The following LYN variants were observed in gnomAD, a reference collection of about 807,000 sequenced individuals.
The protein encoded by LYN is LYN proto-oncogene, Src family tyrosine kinase.
LYN carries 12 observed loss-of-function variants against 65.0 expected under a neutral mutation model. That is an observed-to-expected ratio of 0.18 (90% confidence interval 0.12 to 0.30). The LOEUF (loss-of-function observed/expected upper bound fraction) is 0.30. Among genes scored for constraint, LYN ranks in the 10% least tolerant of loss-of-function variants. The pLI is 1.00. For synonymous variants in LYN, 222 were observed against 221.2 expected, an observed-to-expected ratio of 1.00 and a Z score of -0.03; for missense variants, 380 against 623.2, an observed-to-expected ratio of 0.61 and a Z score of 4.16.
intron 1 of LYN, among the ~76,000 whole-genome samples, chr8:55,931,711 A>G (rs934295041): frequency 6.6e-6 from 1 of 152,098 alleles, no homozygotes; most frequent in African/African-American, 2.4e-5. Flanking sequence ...TTAAAATTTA[A>G]TAGTCACTTA....
In LYN at chr8:56,011,585, C is replaced by G; in HGVS notation, c.*1475C>G. The G allele has an allele frequency of 5.3e-6, 1 of 189,820 alleles. No homozygotes were observed. The highest frequency in any genetic ancestry group is 1.1e-5 in the Non-Finnish European group (1 of 90,448). The allele number at this position is 189,820 out of a possible 1,614,324, so 11.8% of individuals were successfully genotyped here. On this transcript the variant is annotated 3_prime_UTR_variant, in exon 13 of 13. Transcript: ENST00000519728. Reference sequence around the variant, plus strand: ...ACACCTGAACATCCGTTTATGGGGGCCAGATAGAATTTGTTTTCAAATAGG... The same window carrying G: ...ACACCTGAACATCCGTTTATGGGGGGCAGATAGAATTTGTTTTCAAATAGG...
At chr8:55,989,513 G>A (rs1221163149) in intron 10 of LYN, among the ~76,000 whole-genome samples, 1 of 152,172 alleles carries the variant, frequency 6.6e-6, no homozygotes, top group Non-Finnish European at 1.5e-5. Flanking sequence ...AGAAGGTCCA[G>A]GCAGGTGCAT....
chr8:55,950,463 G>A lies in LYN; in HGVS notation c.289G>A (p.Gly97Arg). 6.2e-7 allele frequency: 1 copy of A among 1,608,936 alleles called. No individual in the cohort carries two copies. The highest frequency in any genetic ancestry group is 8.5e-7 in the Non-Finnish European group (1 of 1,177,842). Residue 97 changes from glycine (G) to arginine (R), a missense_variant, in exon 5 of 13, where the codon GGA (glycine) becomes AGA (arginine). Physicochemically the swap from Gly to Arg is moderately radical, Grantham distance 125 (BLOSUM62 -2). Transcript: ENST00000519728. The part of the protein sequence containing the change: ...GEKMKVLEEH[G>R]EWWKAKSLLT... Reference sequence around the variant, plus strand: ...TGATGTGTATTTCTATTCTAGGCATGGAGAATGGTGGAAAGCAAAGTCCCT... The same window carrying A: ...TGATGTGTATTTCTATTCTAGGCATAGAGAATGGTGGAAAGCAAAGTCCCT...
chr8:55,974,463 G>T (rs888316146), intron 10 of LYN, among the ~76,000 whole-genome samples: 6 of 152,140 alleles, frequency 3.9e-5, no homozygotes, highest in Admixed American at 2.6e-4. Context: ...GGAAGTTCTC[G>T]ACCTTTTTGA....
intron 1 of LYN, among the ~76,000 whole-genome samples, chr8:55,922,377 A>G (rs554235313): frequency 6.6e-6 from 1 of 151,442 alleles, no homozygotes; most frequent in South Asian, 2.2e-4. Context: ...GGCATGAGCC[A>G]CCACACCTGG....
chr8:55,956,927 C>G (rs1007256804), intron 8 of LYN, among the ~76,000 whole-genome samples: 3 of 152,212 alleles, frequency 2.0e-5, no homozygotes, highest in African/African-American at 4.8e-5. Flanking sequence ...TCTACGGGCC[C>G]TGCTCTAAGT....
rs117026752 is a variant in LYN at position 55,882,523 on chromosome 8, A to G, written c.-6+2420A>G. On this transcript the variant is annotated intron_variant, in intron 1 of 12. Transcript: ENST00000519728. ...CATGTATACATGCCCACAGCAGGGA[A>G]CATTGTTATAAGCTCACTCCTACTG... 1.4e-4 allele frequency among the ~76,000 whole-genome samples: 22 copies of G among 152,338 alleles called. 2 individuals are homozygous for G. In the East Asian group the frequency reaches 4.2e-3, roughly 29 times the overall value.
At chr8:55,882,500 T>A (rs1435697606) in intron 1 of LYN, among the ~76,000 whole-genome samples, 1 of 152,226 alleles carries the variant, frequency 6.6e-6, no homozygotes, top group Non-Finnish European at 1.5e-5. Context: ...AAGGACACCA[T>A]GTATACATGC....
At chr8:56,004,714 C>T (rs1175194865) in intron 12 of LYN, among the ~76,000 whole-genome samples, 2 of 152,220 alleles carry the variant, frequency 1.3e-5, no homozygotes, top group South Asian at 2.1e-4. Context: ...ATATTCTACT[C>T]ATAACTTTTA....
At chr8:55,917,091 C>T (rs1805798578) in intron 1 of LYN, among the ~76,000 whole-genome samples, 1 of 151,180 alleles carries the variant, frequency 6.6e-6, no homozygotes. Flanking sequence ...GCACAAGAAT[C>T]ACCTGAACCC....
In LYN at chr8:56,010,242, A is replaced by G. The variant is rs1359009198; in HGVS notation, c.*132A>G. 8.1e-6 allele frequency: 7 copies of G among 860,724 alleles called. No individual in the cohort carries two copies. The highest frequency in any genetic ancestry group is 1.3e-5 in the Non-Finnish European group (7 of 550,296). The allele number at this position is 860,724 out of a possible 1,614,324, so 53.3% of individuals were successfully genotyped here. A position where few individuals can be genotyped will look rare whatever the true frequency, so the allele number is the denominator to read the frequency against. ...GTGCCTGGATCCTGAAATAGAGGCTAAATTACTCAGGAAGAACACCCTCTA... is the reference window on the plus strand; with the variant it reads ...GTGCCTGGATCCTGAAATAGAGGCTGAATTACTCAGGAAGAACACCCTCTA... On this transcript the variant is annotated 3_prime_UTR_variant, in exon 13 of 13. Transcript: ENST00000519728.
chr8:55,918,915 T>G (rs1390123069), intron 1 of LYN, among the ~76,000 whole-genome samples: 4 of 146,374 alleles, frequency 2.7e-5, no homozygotes, highest in Non-Finnish European at 4.5e-5. Context: ...GCAGCGAGAA[T>G]GGGCTGGGTG....
intron 8 of LYN, among the ~76,000 whole-genome samples, 169 bp downstream of exon 8, chr8:55,954,153 A>T (rs754750038): frequency 6.6e-6 from 1 of 152,166 alleles, no homozygotes; most frequent in African/African-American, 2.4e-5. Context: ...TGCAAAATCT[A>T]TTTACTTCAG....
chr8:55,901,206 C>G (rs1195694223), intron 1 of LYN, among the ~76,000 whole-genome samples: 1 of 152,078 alleles, frequency 6.6e-6, no homozygotes, highest in Non-Finnish European at 1.5e-5. Flanking sequence ...GTTTCCACTT[C>G]TGAATAGTTC....
intron 1 of LYN, among the ~76,000 whole-genome samples, chr8:55,908,989 G>GTGTT (rs1379592685): frequency 9.8e-5 from 2 of 20,396 alleles, no homozygotes; most frequent in Admixed American, 4.3e-4. Flanking sequence ...CATTGTGTAT[G>GTGTT]TATATATATA....
intron 10 of LYN, among the ~76,000 whole-genome samples, chr8:55,993,913 G>T (rs969090961): frequency 2.6e-5 from 4 of 152,340 alleles, no homozygotes; most frequent in African/African-American, 9.6e-5. Context: ...ACAATAGGAA[G>T]TGGGAGTCCC....
chr8:55,961,504 C>T (rs1807272482), intron 8 of LYN, among the ~76,000 whole-genome samples: 2 of 152,084 alleles, frequency 1.3e-5, no homozygotes, highest in African/African-American at 2.4e-5. Context: ...TGGGAGCTGC[C>T]GCCATTCTTG....
rs926361851 is a variant in LYN, at chr8:55,896,091, G to T, written c.-6+15988G>T. ...GCTCATCCTTAAGCATCTCGTTAGG[G>T]GTAAAGCAATTAAAAAAAAAAAACA... On this transcript the variant is annotated intron_variant, in intron 1 of 12. Coordinates refer to ENST00000519728, the MANE Select transcript of LYN (RefSeq NM_002350.4). Among the ~76,000 whole-genome samples, 17 of 151,776 alleles carry T rather than the reference G, an allele frequency of 1.1e-4. 1 individual carries two copies. Among genetic ancestry groups the T allele is most frequent in the Admixed American group, 9.9e-4 (15 of 15,202 alleles).
chr8:55,917,440 T>A (rs1398952044), intron 1 of LYN, among the ~76,000 whole-genome samples: 1 of 152,200 alleles, frequency 6.6e-6, no homozygotes, highest in Non-Finnish European at 1.5e-5. Flanking sequence ...TGCCTCAGCC[T>A]CTCACAGTGC....
Sources: allele counts gnomAD v4.1 joint callset (sites outside exome capture counted in the v4.1 genomes callset), GRCh38; gene constraint gnomAD v4.1.1; transcripts MANE v1.5; gene names NCBI Gene and HGNC (gene_info 2026-07-23, HGNC 2026-07-21).